Variants in NFIB observed in about 807,000 individuals in gnomAD.
NFIB encodes nuclear factor 1 B-type.
Under a neutral mutation model 61.5 loss-of-function variants are expected in NFIB, and 11 were observed. The observed-to-expected ratio is 0.18, with a 90% CI of 0.11 to 0.30. The LOEUF (loss-of-function observed/expected upper bound fraction) is 0.30. NFIB is among the 10% of genes least tolerant of loss of function. NFIB has a pLI of 1.00. For missense variants in NFIB, 471 were observed against 608.9 expected, an observed-to-expected ratio of 0.77 and a Z score of 2.38; for synonymous variants, 260 against 216.5, an observed-to-expected ratio of 1.20 and a Z score of -1.76.
At chr9:14,235,733 G>A (rs549281282) in intron 2 of NFIB, among the ~76,000 whole-genome samples, 13 of 152,254 alleles carry the variant, frequency 8.5e-5, no homozygotes, top group Non-Finnish European at 1.6e-4. Context: ...TTTGTTTTGA[G>A]GCTCGTCCAG....
intron 2 of NFIB, among the ~76,000 whole-genome samples, chr9:14,266,315 T>C (rs901959781): frequency 1.3e-5 from 2 of 152,128 alleles, no homozygotes; most frequent in African/African-American, 2.4e-5. Context: ...TCTTAGCCAA[T>C]TGTGGTGACT....
the NFIB span, among the ~76,000 whole-genome samples, chr9:14,522,849 T>A: frequency 9.2e-4 from 140 of 152,252 alleles, no homozygotes; most frequent in Middle Eastern, 6.8e-3. Context: ...GCTTATCTTG[T>A]AGACACAGCT....
intron 6 of NFIB, among the ~76,000 whole-genome samples, chr9:14,126,924 C>G (rs1021249409): frequency 6.6e-6 from 1 of 152,170 alleles, no homozygotes; most frequent in African/African-American, 2.4e-5. Flanking sequence ...CACTGGTGAA[C>G]TGGACTCACT....
At position 14,230,665 on chromosome 9, in the gene NFIB, G is replaced by C. The variant is rs375769426; in HGVS notation, c.563-50885C>G. ...TGAATAAAAATTAGCTGGAGGAAAT[G>C]GGATTAATAGAAGTGAAGGCATTTA... On this transcript the variant is annotated intron_variant, in intron 2 of 10. Coordinates refer to ENST00000380953, the MANE Select transcript of NFIB (RefSeq NM_001190737.2). Among the ~76,000 whole-genome samples, 177 of 152,262 alleles carry C rather than the reference G, an allele frequency of 1.2e-3. 1 individual carries two copies. Among genetic ancestry groups the C allele is most frequent in the African/African-American group, 4.2e-3 (174 of 41,552 alleles).
the NFIB span, among the ~76,000 whole-genome samples, chr9:14,425,720 T>C: frequency 6.6e-6 from 1 of 150,658 alleles, no homozygotes; most frequent in East Asian, 2.0e-4. Context: ...AACCCAGAAG[T>C]GTGGTACTGT....
At position 14,146,794 on chromosome 9, in the gene NFIB, T is replaced by C. The variant is rs2042320681; in HGVS notation, c.820A>G (p.Thr274Ala). The C allele has an allele frequency of 6.2e-7, 1 of 1,604,824 alleles. No homozygotes were observed. The highest frequency in any genetic ancestry group is 2.2e-5 in the East Asian group (1 of 44,800). Residue 274 changes from threonine to alanine, a missense_variant, in exon 6 of 11, where the codon ACT (threonine) becomes GCT (alanine). Around this residue, in one of 2 missense-constraint regions of NFIB, gnomAD observed 372 missense variants for 395.6 expected, o/e 0.94. Transcript: ENST00000380953. ...TCCATATTTTCATCTATGGATATAG[T>C]TTTGGGTCTTTTGCTGTTAAAATAT... is the stretch of plus-strand genomic sequence containing the variant. ...SSPPSSKRPK[T>A]ISIDENMEPS...
At position 14,395,465 on chromosome 9, in the gene NFIB, C is replaced by A. The variant is rs941041377; in HGVS notation, c.108+3059G>T. ...CTGAGAGCTGGCAGGGGCTTTGTGG[C>A]CTGGATGAATTCAAAGCAAACAGGC... On this transcript the variant is annotated intron_variant, in intron 1 of 8. Coordinates refer to the NFIB transcript ENST00000380934. Among the ~76,000 whole-genome samples, 10 of 152,016 alleles carry A rather than the reference C, an allele frequency of 6.6e-5. No homozygotes were observed. The East Asian group carries it at 1.6e-3, about 24-fold the overall frequency.
chr9:14,485,800 G>T, the NFIB span, among the ~76,000 whole-genome samples: 1 of 151,984 alleles, frequency 6.6e-6, no homozygotes, highest in Admixed American at 6.6e-5. Flanking sequence ...ACTCAAACCC[G>T]GGAAGCAGAG....
intron 2 of NFIB, among the ~76,000 whole-genome samples, chr9:14,237,842 AGTGTGTGTGTGT>A (rs200054648): frequency 0.1 from 5,438 of 52,536 alleles, 307 homozygotes; most frequent in Middle Eastern, 0.14. Context: ...TAGGTATAAC[AGTGTGTGTGTGT>A]GTGTGTGTGT....
intron 1 of NFIB, among the ~76,000 whole-genome samples, chr9:14,369,192 G>A (rs1044780469): frequency 6.6e-6 from 1 of 152,186 alleles, no homozygotes; most frequent in Non-Finnish European, 1.5e-5. Context: ...CAAACAGCTA[G>A]CTAGTAGTAT....
At chr9:14,506,033 T>A in the NFIB span, among the ~76,000 whole-genome samples, 2 of 151,982 alleles carry the variant, frequency 1.3e-5, no homozygotes, top group South Asian at 2.1e-4. Context: ...TGCAGCCAAA[T>A]AGAAAGAAAA....
At chr9:14,473,030 C>T in the NFIB span, among the ~76,000 whole-genome samples, 2 of 152,104 alleles carry the variant, frequency 1.3e-5, no homozygotes, top group African/African-American at 2.4e-5. Context: ...AAGGGGAATC[C>T]GATGTTCAGC....
chr9:14,474,625 A>G, the NFIB span, among the ~76,000 whole-genome samples: 1 of 152,208 alleles, frequency 6.6e-6, no homozygotes, highest in Non-Finnish European at 1.5e-5. Flanking sequence ...GACCTAAGAT[A>G]TGATTCATTC....
At chr9:14,372,153 G>T (rs902836847) in intron 1 of NFIB, among the ~76,000 whole-genome samples, 1 of 151,684 alleles carries the variant, frequency 6.6e-6, no homozygotes, top group African/African-American at 2.4e-5. Flanking sequence ...CATACCCATG[G>T]CTCTTATTGA....
intron 2 of NFIB, among the ~76,000 whole-genome samples, chr9:14,243,871 G>A (rs973919271): frequency 1.3e-5 from 2 of 152,074 alleles, no homozygotes; most frequent in Non-Finnish European, 2.9e-5. Context: ...CCTGCACAAG[G>A]GCTAGCTGAA....
At chr9:14,366,324 G>A (rs912528626) in intron 1 of NFIB, among the ~76,000 whole-genome samples, 1 of 152,094 alleles carries the variant, frequency 6.6e-6, no homozygotes, top group Non-Finnish European at 1.5e-5. Flanking sequence ...AGTGAAACCC[G>A]ATGTCTTCTC....
intron 10 of NFIB, among the ~76,000 whole-genome samples, chr9:14,088,942 T>A (rs1349340039): frequency 6.6e-6 from 1 of 152,182 alleles, no homozygotes; most frequent in Non-Finnish European, 1.5e-5. Context: ...CAGAGTTTTT[T>A]AGTAAAGACC....
intron 3 of NFIB, among the ~76,000 whole-genome samples, chr9:14,170,233 G>A (rs77091822): frequency 6.6e-6 from 1 of 152,138 alleles, no homozygotes; most frequent in Non-Finnish European, 1.5e-5. Flanking sequence ...CTGTGAGGCA[G>A]AAAATGCTTT....
At chr9:14,433,483 A>G in the NFIB span, among the ~76,000 whole-genome samples, 1 of 152,224 alleles carries the variant, frequency 6.6e-6, no homozygotes, top group African/African-American at 2.4e-5. Context: ...GATAAGGGAC[A>G]GTTCATTTTC....
Sources: allele counts gnomAD v4.1 joint callset (sites outside exome capture counted in the v4.1 genomes callset), GRCh38; gene constraint gnomAD v4.1.1; regional missense constraint gnomAD v4.1.1; transcripts MANE v1.5; gene names NCBI Gene and HGNC (gene_info 2026-07-23, HGNC 2026-07-21).